The following BICRA variants were observed in gnomAD, a reference collection of about 807,000 sequenced individuals.
The protein encoded by BICRA is BRD4 interacting chromatin remodeling complex associated protein, also known as BRD4-interacting chromatin-remodeling complex-associated protein.
Under a neutral mutation model 96.9 loss-of-function variants are expected in BICRA, and 31 were observed. The observed-to-expected ratio is 0.32, with a 90% CI of 0.24 to 0.43. The LOEUF (loss-of-function observed/expected upper bound fraction) is 0.43, where lower values mean the gene tolerates loss of function less well. Among genes scored for constraint, BICRA ranks in the 20% least tolerant of loss-of-function variants. BICRA has a pLI of 1.00. For missense variants in BICRA, 2,283 were observed against 2,190.3 expected, an observed-to-expected ratio of 1.04 and a Z score of -0.84; for synonymous variants, 1,350 against 1,071.8, an observed-to-expected ratio of 1.26 and a Z score of -5.07.
intron 1 of BICRA, among the ~76,000 whole-genome samples, chr19:47,651,053 C>T (rs1972532747): frequency 6.6e-6 from 1 of 152,120 alleles, no homozygotes; most frequent in Non-Finnish European, 1.5e-5. Flanking sequence ...TTGACTGCGC[C>T]TTGTCCCCTC....
rs1236885167 is a variant in BICRA at position 47,675,739 on chromosome 19, C to T, written c.85-112C>T. 1.2e-5 allele frequency: 10 copies of T among 816,274 alleles called. No homozygotes were observed. In the East Asian group the frequency reaches 2.1e-4, roughly 17 times the overall value. The allele number at this position is 816,274 out of a possible 1,614,324, so 50.6% of individuals were successfully genotyped here. Reference sequence around the variant, plus strand: ...GAGTTTCCCATACCCCCAGCCCTCTCCCATCCCAACCCTTGTCTTTTTGTC... The same window carrying T: ...GAGTTTCCCATACCCCCAGCCCTCTTCCATCCCAACCCTTGTCTTTTTGTC... On this transcript the variant is annotated intron_variant, in intron 4 of 14. Transcript: ENST00000594866. The surrounding 1 kb of genome is among the most constrained non-coding windows in gnomAD (Gnocchi z 4.7).
chr19:47,624,259 C>G (rs570700742), intron 1 of BICRA, among the ~76,000 whole-genome samples: 16 of 152,168 alleles, frequency 1.1e-4, no homozygotes, highest in Middle Eastern at 3.4e-3. Flanking sequence ...TTTCACTCAC[C>G]AAGCTGGTTC....
intron 1 of BICRA, among the ~76,000 whole-genome samples, chr19:47,626,558 C>T (rs368913649): frequency 3.3e-5 from 5 of 149,268 alleles, no homozygotes; most frequent in Non-Finnish European, 7.4e-5. Flanking sequence ...CACCATGGCC[C>T]GCTAATTTTT....
intron 5 of BICRA, among the ~76,000 whole-genome samples, chr19:47,676,408 TGCAGAGGATGTTTATTGA>T (rs1270842975): frequency 8.5e-5 from 13 of 152,066 alleles, no homozygotes; most frequent in African/African-American, 3.1e-4. Flanking sequence ...GAGTGGCCAA[TGCAGAGGATGTTTATTGA>T]GCACCTACTG....
At chr19:47,659,519 C>T (rs936884724) in intron 1 of BICRA, among the ~76,000 whole-genome samples, 66 of 152,140 alleles carry the variant, frequency 4.3e-4, no homozygotes, top group African/African-American at 1.6e-3. Flanking sequence ...GTGGTGTGTC[C>T]TTTGTATGAA....
chr19:47,680,199 C>A lies in BICRA; in HGVS notation c.1029C>A (p.Ile343=), dbSNP rs1973014394. The part of the protein sequence containing the change: ...SSPLVPAPNV[I]LHRTPTPIQP... ...CACTGGTCCCGGCGCCCAACGTGATCCTGCATCGCACACCCACGCCCATCC... is the reference window on the plus strand; with the variant it reads ...CACTGGTCCCGGCGCCCAACGTGATACTGCATCGCACACCCACGCCCATCC... The change falls in exon 6 of 15, where the codon ATC becomes ATA. Residue 343 remains isoleucine, a synonymous_variant. Transcript: ENST00000594866. The A allele has an allele frequency of 6.4e-7, 1 of 1,551,384 alleles. No individual in the cohort carries two copies. The highest frequency in any genetic ancestry group is 8.6e-7 in the Non-Finnish European group (1 of 1,157,328).
upstream of BICRA, chr19:47,608,341 T>TC (rs1382529766): frequency 2.0e-5 from 3 of 152,504 alleles, no homozygotes; most frequent in African/African-American, 4.8e-5. Flanking sequence ...CCCGCCGCCT[T>TC]CCACCCTGTC....
At chr19:47,645,332 T>C (rs1329064884) in intron 1 of BICRA, among the ~76,000 whole-genome samples, 1 of 152,188 alleles carries the variant, frequency 6.6e-6, no homozygotes, top group Non-Finnish European at 1.5e-5. Context: ...CTCAGTGAGA[T>C]CCAGGCTACG....
intron 1 of BICRA, chr19:47,663,990 C>T (rs1568562535): frequency 6.6e-6 from 1 of 152,126 alleles, no homozygotes; most frequent in Non-Finnish European, 1.5e-5. Context: ...AAAGACTGGC[C>T]TAGAACAGTC....
rs540146090 is a variant in BICRA, at chr19:47,631,288, C to T, written c.-108+22120C>T. ...TGTCACCCAGGCTGGAGTGCAGTGG[C>T]GCAATCTTGGCTCACTGCAACCTCC... On this transcript the variant is annotated intron_variant, in intron 1 of 14. Coordinates refer to ENST00000594866, the MANE Select transcript of BICRA (RefSeq NM_001394372.1). Among the ~76,000 whole-genome samples the T allele has an allele frequency of 8.6e-5, 13 of 152,004 alleles. No homozygotes were observed. The South Asian group carries it at 1.7e-3, about 19-fold the overall frequency.
chr19:47,677,490 A>T (rs1972959347), intron 5 of BICRA, among the ~76,000 whole-genome samples: 1 of 152,040 alleles, frequency 6.6e-6, no homozygotes, highest in African/African-American at 2.4e-5. Context: ...TGAGGTCGGG[A>T]GTTCGAGACC....
chr19:47,696,505 G>A lies in BICRA; in HGVS notation c.3241G>A (p.Glu1081Lys). ...KKPPTLQPSK[E>K]ACFLEHLHKH... ...GCCCCCCACGCTTCAGCCCAGCAAGGAAGCCTGGTGAGTCCACACCCCATC... is the reference window on the plus strand; with the variant it reads ...GCCCCCCACGCTTCAGCCCAGCAAGAAAGCCTGGTGAGTCCACACCCCATC... The change falls in exon 11 of 15, where the codon GAA (glutamate) becomes AAA (lysine). Residue 1081 changes from glutamate (E) to lysine (K), a missense_variant. Glu to Lys is a moderately conservative substitution (Grantham distance 56). Transcript: ENST00000594866. The A allele has an allele frequency of 6.2e-7, 1 of 1,602,614 alleles. No individual in the cohort carries two copies. Among genetic ancestry groups the A allele is most frequent in the Non-Finnish European group, 8.5e-7 (1 of 1,174,738 alleles).
Position 47,701,469 on chromosome 19 carries a change from T to C in BICRA, c.3737T>C (p.Leu1246Pro), listed in dbSNP as rs2123616515. The change falls in exon 15 of 15, where the codon CTT becomes CCT. Residue 1246 changes from leucine (L) to proline (P), a missense_variant. By Grantham distance (98) the Leu-to-Pro change is moderately conservative (BLOSUM62 -3). Coordinates refer to ENST00000594866, the MANE Select transcript of BICRA (RefSeq NM_001394372.1). The surrounding 1 kb of genome is among the most constrained non-coding windows in gnomAD (Gnocchi z 5.4). Reference protein sequence around the residue: ...TQPPPHLPTKLVIRHGGAGGS... With the variant: ...TQPPPHLPTKPVIRHGGAGGS... ...CCCCCTCCACACCTGCCCACCAAGCTTGTGATCCGGCACGGCGGGGCAGGC... is the reference window on the plus strand; with the variant it reads ...CCCCCTCCACACCTGCCCACCAAGCCTGTGATCCGGCACGGCGGGGCAGGC... 1 of 1,561,944 alleles carries C rather than the reference T, an allele frequency of 6.4e-7. No individual in the cohort carries two copies. Among genetic ancestry groups the C allele is most frequent in the East Asian group, 2.4e-5 (1 of 41,534 alleles).
intron 8 of BICRA, 64 bp downstream of exon 8, chr19:47,694,790 G>A (rs914579766): frequency 1.2e-6 from 1 of 843,116 alleles, no homozygotes. Flanking sequence ...TCAGTCTGAT[G>A]GGAGCCCCTC....
chr19:47,679,707 G>A lies in BICRA; in HGVS notation c.537G>A (p.Gln179=). The change falls in exon 6 of 15, where the codon CAG becomes CAA. Residue 179 remains glutamine (Q), a synonymous_variant. Transcript: ENST00000594866. ...LQGPPTVLTH[Q]ALVPPQDVVN... is the part of the protein sequence containing the mutation. ...GCCCGCCTACCGTGCTGACCCACCA[G>A]GCCCTGGTGCCGCCCCAGGACGTGG... 1 of 1,535,284 alleles carries A rather than the reference G, an allele frequency of 6.5e-7. No individual in the cohort carries two copies.
chr19:47,645,970 C>T (rs1568556002), intron 1 of BICRA, among the ~76,000 whole-genome samples: 2 of 152,242 alleles, frequency 1.3e-5, no homozygotes, highest in South Asian at 2.1e-4. Context: ...TGGTGGCATG[C>T]GCCTGTAGGC....
rs374065395 is a variant in BICRA at position 47,660,642 on chromosome 19, A to G, written c.-107-9801A>G. Among the ~76,000 whole-genome samples, 3 of 152,304 alleles carry G rather than the reference A, an allele frequency of 2.0e-5. No individual in the cohort carries two copies. In the East Asian group the frequency reaches 5.8e-4, roughly 29 times the overall value. ...GACTCATTCGAGGCATTTCAGGACA[A>G]CTAAAGGGATAGAGGACCTGGCCGG... On this transcript the variant is annotated intron_variant, in intron 1 of 14. Transcript: ENST00000594866.
At chr19:47,635,373 A>G (rs1378029002) in intron 1 of BICRA, among the ~76,000 whole-genome samples, 1 of 151,546 alleles carries the variant, frequency 6.6e-6, no homozygotes, top group Non-Finnish European at 1.5e-5. Flanking sequence ...TCACTCTATC[A>G]AGTAGGCGGG....
chr19:47,661,227 A>AAAAAAAAAAAAAGACG (rs1972699865), intron 1 of BICRA, among the ~76,000 whole-genome samples: 1 of 151,562 alleles, frequency 6.6e-6, no homozygotes, highest in South Asian at 2.1e-4. Context: ...AAAAAAAAAA[A>AAAAAAAAAAAAAGACG]AAGACGAAGT....
Sources: gnomAD v4.1 joint callset for allele counts (sites outside exome capture counted in the v4.1 genomes callset) on GRCh38, gnomAD v4.1.1 for gene constraint, Gnocchi (gnomAD v3.1) non-coding constraint, MANE v1.5 for transcripts, NCBI Gene and HGNC (gene_info 2026-07-23, HGNC 2026-07-21) for gene names.